Variants in ASRGL1 observed in about 807,000 individuals in gnomAD.
The protein encoded by ASRGL1 is asparaginase and isoaspartyl peptidase 1.
A neutral mutation model predicts 22.4 loss-of-function variants in ASRGL1; 16 were observed. The observed-to-expected ratio is 0.71, with a 90% CI of 0.48 to 1.08. The LOEUF is 1.08. Among genes scored for constraint, ASRGL1 ranks in the 50% least tolerant of loss-of-function variants. The probability of loss-of-function intolerance (pLI) is 0.00; values close to 1 mark genes in which losing one functional copy is unlikely to be tolerated. For synonymous variants in ASRGL1, 165 were observed against 159.3 expected (o/e 1.04, Z -0.27); for missense variants, 412 against 410.1 (o/e 1.00, Z -0.04).
At chr11:62,399,164 C>G in the ASRGL1 span, among the ~76,000 whole-genome samples, 3 of 152,130 alleles carry the variant, frequency 2.0e-5, no homozygotes, top group Admixed American at 2.0e-4. Flanking sequence ...TGAAGTGAGC[C>G]AGGATCATGC....
rs559977323 is a variant in ASRGL1, at chr11:62,352,056, AATGTTT to A, written c.191-4264_191-4259del. ...TTGCCCTTATCTGTGTTATGGACTG[AATGTTT>A]ATGTCCCCCTCAAAATTTAAGTGTT... On this transcript the variant is annotated intron_variant, in intron 2 of 6. Coordinates refer to ENST00000415229, the MANE Select transcript of ASRGL1 (RefSeq NM_001083926.2). Among the ~76,000 whole-genome samples the A allele has an allele frequency of 2.8e-4, 42 of 152,316 alleles. No homozygotes were observed. The South Asian group carries it at 8.5e-3, about 31-fold the overall frequency.
chr11:62,370,255 G>A (rs537138378), intron 4 of ASRGL1, among the ~76,000 whole-genome samples: 8 of 152,126 alleles, frequency 5.3e-5, no homozygotes, highest in South Asian at 2.1e-4. Context: ...ATTAAAAGTC[G>A]AATCAATGCA....
intron 4 of ASRGL1, chr11:62,371,607 G>A (rs896449199): frequency 1.9e-5 from 13 of 667,034 alleles, no homozygotes; most frequent in Admixed American, 9.0e-5. Flanking sequence ...AGTGCAAAGG[G>A]GAGCTTTTGA....
intron 2 of ASRGL1, among the ~76,000 whole-genome samples, chr11:62,354,819 A>G (rs1430308006): frequency 1.3e-5 from 2 of 152,192 alleles, no homozygotes; most frequent in African/African-American, 4.8e-5. Context: ...TCTTCAGGGA[A>G]ACCTTATTTC....
intron 4 of ASRGL1, among the ~76,000 whole-genome samples, chr11:62,388,314 C>G (rs1003674871): frequency 1.1e-4 from 17 of 152,132 alleles, no homozygotes; most frequent in Admixed American, 3.9e-4. Flanking sequence ...ATCTTTACGA[C>G]AACCCCATGC....
intron 4 of ASRGL1, among the ~76,000 whole-genome samples, chr11:62,384,427 C>T (rs1016084024): frequency 1.3e-5 from 2 of 151,834 alleles, no homozygotes; most frequent in Non-Finnish European, 2.9e-5. Context: ...TTCCTTAAAC[C>T]CGGGAGGCAG....
intron 4 of ASRGL1, among the ~76,000 whole-genome samples, chr11:62,384,025 C>T (rs868509523): frequency 2.2e-5 from 3 of 135,882 alleles, no homozygotes; most frequent in Non-Finnish European, 3.2e-5. Flanking sequence ...TGTGTGTGTG[C>T]ACGTGTGTGC....
downstream of ASRGL1, among the ~76,000 whole-genome samples, chr11:62,394,310 A>G (rs1005577369): frequency 1.4e-5 from 2 of 140,256 alleles, no homozygotes; most frequent in African/African-American, 5.2e-5. Flanking sequence ...ATTATATAAA[A>G]ATATATGATA....
chr11:62,372,227 T>G (rs1444056133), intron 4 of ASRGL1: 4 of 1,321,192 alleles, frequency 3.0e-6, no homozygotes, highest in African/African-American at 2.9e-5. Flanking sequence ...AGTGATTGTG[T>G]GCAGCGTGTG....
intron 4 of ASRGL1, among the ~76,000 whole-genome samples, chr11:62,379,933 G>A (rs1042475889): frequency 2.7e-5 from 4 of 150,530 alleles, no homozygotes; most frequent in Admixed American, 2.0e-4. Flanking sequence ...TTCTAATAGT[G>A]TTTTTCTTTT....
At chr11:62,401,164 C>T in the ASRGL1 span, among the ~76,000 whole-genome samples, 6 of 152,246 alleles carry the variant, frequency 3.9e-5, no homozygotes, top group Admixed American at 6.5e-5. Context: ...TTTCCCAGTC[C>T]TGCAAACTAG....
downstream of ASRGL1, among the ~76,000 whole-genome samples, chr11:62,394,204 TATATG>T (rs936415624): frequency 1.0e-3 from 133 of 129,906 alleles, no homozygotes; most frequent in Non-Finnish European, 1.3e-3. Context: ...TTATATATAA[TATATG>T]ATATATAATA....
intron 2 of ASRGL1, among the ~76,000 whole-genome samples, chr11:62,349,407 G>A (rs370756230): frequency 2.6e-4 from 39 of 152,272 alleles, no homozygotes; most frequent in African/African-American, 9.4e-4. Context: ...AAGATGGGGT[G>A]GTATGTTAGC....
intron 4 of ASRGL1, among the ~76,000 whole-genome samples, chr11:62,369,421 C>T (rs934782346): frequency 6.6e-5 from 10 of 152,118 alleles, no homozygotes; most frequent in East Asian, 1.9e-4. Flanking sequence ...TACATAGACA[C>T]AGTAACAGTC....
rs141452891 is a variant in ASRGL1, at chr11:62,357,060, G to A, written c.407G>A (p.Gly136Glu). 47 of 1,614,136 alleles carry A rather than the reference G, an allele frequency of 2.9e-5. No homozygotes were observed. The African/African-American group carries it at 6.1e-4, about 21-fold the overall frequency. Residue 136 changes from glycine to glutamate, a missense_variant, in exon 4 of 7, where the codon GGA becomes GAA. Gly to Glu is a moderately conservative substitution (Grantham distance 98, BLOSUM62 -2). Transcript: ENST00000415229. ...AAAMGVPEIP[G>E]EKLVTERNKK... Reference sequence around the variant, plus strand: ...GCTATGGGGGTTCCAGAGATTCCTGGAGAAAAACTGGTGACAGAGAGAAAC... The same window carrying A: ...GCTATGGGGGTTCCAGAGATTCCTGAAGAAAAACTGGTGACAGAGAGAAAC...
chr11:62,384,885 T>C (rs1947163395), intron 4 of ASRGL1, among the ~76,000 whole-genome samples: 1 of 132,832 alleles, frequency 7.5e-6, no homozygotes, highest in Non-Finnish European at 1.6e-5. Context: ...ACGACTGCAC[T>C]CCAGCCTGCG....
At chr11:62,377,663 C>T (rs902079133) in intron 4 of ASRGL1, among the ~76,000 whole-genome samples, 3 of 152,122 alleles carry the variant, frequency 2.0e-5, no homozygotes, top group African/African-American at 7.2e-5. Context: ...CCCACAAAAT[C>T]AGTAAGACCA....
At chr11:62,366,718 T>C (rs1481662215) in intron 4 of ASRGL1, among the ~76,000 whole-genome samples, 5 of 152,164 alleles carry the variant, frequency 3.3e-5, no homozygotes, top group Non-Finnish European at 7.3e-5. Flanking sequence ...TCTATGTTGC[T>C]CAGGCTGGCC....
chr11:62,372,293 A>G (rs1946794830), intron 4 of ASRGL1: 3 of 1,602,786 alleles, frequency 1.9e-6, no homozygotes, highest in Admixed American at 1.7e-5. Context: ...CGTTTGGGGA[A>G]AACAAGATGG....
Sources: gnomAD v4.1 joint callset for allele counts (sites outside exome capture counted in the v4.1 genomes callset) on GRCh38, gnomAD v4.1.1 for gene constraint, MANE v1.5 for transcripts, NCBI Gene and HGNC (gene_info 2026-07-23, HGNC 2026-07-21) for gene names.